The following TCAIM variants were observed in gnomAD, a reference collection of about 807,000 sequenced individuals.
The protein encoded by TCAIM is T cell activation inhibitor, mitochondrial.
In TCAIM, 36 loss-of-function variants were observed where a neutral mutation model predicts 58.6. That is an observed-to-expected ratio of 0.61 (90% CI 0.47 to 0.81). The LOEUF is 0.81. Among genes scored for constraint, TCAIM ranks in the 30% least tolerant of loss-of-function variants. TCAIM has a pLI of 0.00. For missense variants in TCAIM, 466 were observed against 579.6 expected (o/e 0.80, Z 2.01); for synonymous variants, 172 against 193.6 (o/e 0.89, Z 0.93).
chr3:44,401,438 A>C, intron 10 of TCAIM, 104 bp downstream of exon 10: 4 of 1,393,592 alleles, frequency 2.9e-6, no homozygotes, highest in Non-Finnish European at 3.9e-6. Context: ...TATGAAGCTT[A>C]GGAAATTGAC....
At chr3:44,406,307 T>G (rs923238405) in intron 10 of TCAIM, among the ~76,000 whole-genome samples, 12 of 152,248 alleles carry the variant, frequency 7.9e-5, no homozygotes, top group African/African-American at 2.9e-4. Context: ...TAATATCTTT[T>G]CTTGACAAGT....
intron 1 of TCAIM, among the ~76,000 whole-genome samples, chr3:44,353,592 G>A (rs562720186): frequency 6.6e-6 from 1 of 152,326 alleles, no homozygotes; most frequent in East Asian, 1.9e-4. Flanking sequence ...TTATCAGCAG[G>A]TGTTGTCAAT....
chr3:44,372,084 T>G, intron 5 of TCAIM, among the ~76,000 whole-genome samples: 1 of 142,464 alleles, frequency 7.0e-6, no homozygotes. Flanking sequence ...GAAGATACAG[T>G]ATTAGCAAGA....
At chr3:44,402,681 T>C (rs1045722653) in intron 10 of TCAIM, among the ~76,000 whole-genome samples, 1 of 152,084 alleles carries the variant, frequency 6.6e-6, no homozygotes, top group Non-Finnish European at 1.5e-5. Flanking sequence ...TAGTAGGAGA[T>C]GTGAGTGCTG....
intron 5 of TCAIM, among the ~76,000 whole-genome samples, chr3:44,386,257 A>G (rs1701740006): frequency 6.6e-6 from 1 of 151,610 alleles, no homozygotes; most frequent in Admixed American, 6.6e-5. Flanking sequence ...CCACACCTAT[A>G]TAGTTCTTTC....
rs1270085286 is a variant in TCAIM at position 44,338,790 on chromosome 3, G to T, written c.-89G>T. On this transcript the variant is annotated 5_prime_UTR_variant, in exon 1 of 11. Transcript: ENST00000342649. The stretch of plus-strand genomic sequence containing the variant: ...CCTTCTGGTGTACTGGGTGGGAGGT[G>T]GAACTAGTCGGACAAAGCCCTCGCG... 6.6e-6 allele frequency: 1 copy of T among 152,342 alleles called. No individual in the cohort carries two copies. Among genetic ancestry groups the T allele is most frequent in the Non-Finnish European group, 1.5e-5 (1 of 68,136 alleles). 9.4% of individuals were successfully genotyped at this position (152,342 alleles called of 1,614,324 possible). A position where few individuals can be genotyped will look rare whatever the true frequency, so the allele number is the denominator to read the frequency against.
At position 44,396,397 on chromosome 3, in the gene TCAIM, T is replaced by C; in HGVS notation, c.696-3T>C. On this transcript the variant is annotated splice_region_variant and splice_polypyrimidine_tract_variant and intron_variant, in intron 6 of 10. Transcript: ENST00000342649. ...AACATGAGTGTGTGCTCTGTTGGCCTAGGTGGCAGAGGAGCTGGGGCATCG... is the reference window on the plus strand; with the variant it reads ...AACATGAGTGTGTGCTCTGTTGGCCCAGGTGGCAGAGGAGCTGGGGCATCG... 1 of 1,612,630 alleles carries C rather than the reference T, an allele frequency of 6.2e-7. No individual in the cohort carries two copies. The highest frequency in any genetic ancestry group is 8.5e-7 in the Non-Finnish European group (1 of 1,179,512).
intron 10 of TCAIM, among the ~76,000 whole-genome samples, chr3:44,404,105 T>G (rs1464489929): frequency 1.3e-5 from 2 of 152,164 alleles, no homozygotes; most frequent in Non-Finnish European, 2.9e-5. Flanking sequence ...CCTGGGCCTG[T>G]GTGCCTTCCC....
chr3:44,383,670 T>C (rs1207601340), intron 5 of TCAIM, among the ~76,000 whole-genome samples: 1 of 151,968 alleles, frequency 6.6e-6, no homozygotes, highest in Non-Finnish European at 1.5e-5. Flanking sequence ...CACTGAACTG[T>C]ACACTTAAAA....
intron 1 of TCAIM, among the ~76,000 whole-genome samples, chr3:44,342,016 G>A (rs1700864079): frequency 6.6e-6 from 1 of 152,142 alleles, no homozygotes. Flanking sequence ...TAACTTCAGT[G>A]AGCATCAGAT....
chr3:44,349,939 AG>A (rs945513684), intron 1 of TCAIM, among the ~76,000 whole-genome samples: 2 of 152,092 alleles, frequency 1.3e-5, no homozygotes, highest in Non-Finnish European at 2.9e-5. Context: ...CCGAGGTCGT[AG>A]GTGGATCTTT....
intron 4 of TCAIM, among the ~76,000 whole-genome samples, chr3:44,366,046 G>A (rs1346686971): frequency 6.6e-6 from 1 of 152,152 alleles, no homozygotes; most frequent in Non-Finnish European, 1.5e-5. Flanking sequence ...GAAAATATTT[G>A]GCTTGGTGTC....
rs757575113 is a variant in TCAIM, at chr3:44,367,637, T to G, written c.501T>G (p.Tyr167Ter). Reference sequence around the variant, plus strand: ...GGCCCATCAAATGGGACAAGTCTTATTACTCCTTTACTGGATTCAAGGACC... The same window carrying G: ...GGCCCATCAAATGGGACAAGTCTTAGTACTCCTTTACTGGATTCAAGGACC... Reference protein sequence around the residue: ...PDRPIKWDKSYYSFTGFKDPD... With the variant: ...PDRPIKWDKS Residue 167 changes from tyrosine (Y) to a stop codon, truncating the protein, a stop_gained, in exon 5 of 11, where the codon TAT becomes TAG. Transcript: ENST00000342649. LOFTEE classifies it high-confidence loss of function. 1 of 1,614,152 alleles carries G rather than the reference T, an allele frequency of 6.2e-7. No individual in the cohort carries two copies. Among genetic ancestry groups the G allele is most frequent in the East Asian group, 2.2e-5 (1 of 44,858 alleles).
chr3:44,373,236 C>T (rs182961400), intron 5 of TCAIM, among the ~76,000 whole-genome samples: 124 of 152,038 alleles, frequency 8.2e-4, no homozygotes, highest in Non-Finnish European at 1.4e-3. Flanking sequence ...CTCTATTTAA[C>T]CCACTTTTAT....
chr3:44,339,997 G>A (rs1310638228), intron 1 of TCAIM: 1 of 152,218 alleles, frequency 6.6e-6, no homozygotes, highest in Non-Finnish European at 1.5e-5. Flanking sequence ...AACCTCTTCA[G>A]TTATTTTATA....
chr3:44,372,658 A>G (rs1223130041), intron 5 of TCAIM, among the ~76,000 whole-genome samples: 2 of 149,234 alleles, frequency 1.3e-5, no homozygotes, highest in African/African-American at 4.9e-5. Flanking sequence ...CAGTGGTGCT[A>G]TCTTGGCTCA....
chr3:44,387,006 G>A (rs1339908863), intron 5 of TCAIM, among the ~76,000 whole-genome samples: 1 of 152,206 alleles, frequency 6.6e-6, no homozygotes, highest in Non-Finnish European at 1.5e-5. Context: ...TCAGCCAATT[G>A]GATGGTGCTT....
chr3:44,372,047 AAGGAAGGAAGGAAG>A (rs1280656292), intron 5 of TCAIM, among the ~76,000 whole-genome samples: 9 of 149,162 alleles, frequency 6.0e-5, no homozygotes, highest in Non-Finnish European at 1.2e-4. Flanking sequence ...GGAAGGAAGG[AAGGAAGGAAGGAAG>A]GAAGGAAGGA....
chr3:44,368,876 A>G (rs1701421005), intron 5 of TCAIM, among the ~76,000 whole-genome samples: 1 of 152,170 alleles, frequency 6.6e-6, no homozygotes, highest in Non-Finnish European at 1.5e-5. Context: ...ACAAAAATTT[A>G]GCCAGGCATG....
Sources: gnomAD v4.1 joint callset for allele counts (sites outside exome capture counted in the v4.1 genomes callset) on GRCh38, gnomAD v4.1.1 for gene constraint, MANE v1.5 for transcripts, NCBI Gene and HGNC (gene_info 2026-07-23, HGNC 2026-07-21) for gene names.